The following DPP6 variants were observed in gnomAD, a reference collection of about 807,000 sequenced individuals.
DPP6 encodes the protein A-type potassium channel modulatory protein DPP6.
DPP6 carries 69 observed loss-of-function variants against 122.6 expected under a neutral mutation model. The ratio of observed to expected loss-of-function variants is 0.56; its 90% CI spans 0.46 to 0.69. The LOEUF (loss-of-function observed/expected upper bound fraction) is 0.69. DPP6 is among the 30% of genes least tolerant of loss of function. The pLI is 0.00. For synonymous variants in DPP6, 418 were observed against 433.1 expected, an observed-to-expected ratio of 0.97 and a Z score of 0.43; for missense variants, 928 against 1,116.9, an observed-to-expected ratio of 0.83 and a Z score of 2.41.
the DPP6 span, among the ~76,000 whole-genome samples, chr7:153,816,578 A>G: frequency 0.29 from 44,102 of 152,048 alleles, 6,782 homozygotes; most frequent in South Asian, 0.36. Context: ...AATGATTGAA[A>G]TAAGAGTAAA....
intron 5 of DPP6, among the ~76,000 whole-genome samples, chr7:154,567,940 C>A (rs1214981657): frequency 2.6e-5 from 4 of 152,224 alleles, no homozygotes; most frequent in African/African-American, 9.6e-5. Flanking sequence ...CTGGAGATTT[C>A]AACTTTATTC....
At chr7:154,216,605 T>A (rs1800011330) in intron 1 of DPP6, among the ~76,000 whole-genome samples, 1 of 152,134 alleles carries the variant, frequency 6.6e-6, no homozygotes, top group Non-Finnish European at 1.5e-5. Flanking sequence ...TGTATGATGA[T>A]CCTCTCTTCT....
chr7:153,867,558 A>G, the DPP6 span, among the ~76,000 whole-genome samples: 4 of 152,184 alleles, frequency 2.6e-5, no homozygotes, highest in Non-Finnish European at 4.4e-5. Context: ...GGGCTGAGAC[A>G]ATGGGGTTTT....
At chr7:154,568,024 G>C (rs960850915) in intron 5 of DPP6, among the ~76,000 whole-genome samples, 1 of 152,072 alleles carries the variant, frequency 6.6e-6, no homozygotes, top group Non-Finnish European at 1.5e-5. Context: ...TTCTATAAAG[G>C]TTTTCATTTT....
intron 5 of DPP6, among the ~76,000 whole-genome samples, chr7:154,570,710 G>T (rs893658423): frequency 6.6e-6 from 1 of 152,156 alleles, no homozygotes; most frequent in African/African-American, 2.4e-5. Flanking sequence ...ATTACTAAAT[G>T]TATAGCTTGG....
At chr7:154,499,049 G>A (rs1824993387) in intron 3 of DPP6, among the ~76,000 whole-genome samples, 1 of 152,148 alleles carries the variant, frequency 6.6e-6, no homozygotes, top group African/African-American at 2.4e-5. Flanking sequence ...TCTGTCTCGT[G>A]GCCCTGAGCT....
chr7:153,812,436 C>G, the DPP6 span, among the ~76,000 whole-genome samples: 5,607 of 151,648 alleles, frequency 0.037, 347 homozygotes, highest in African/African-American at 0.13. Context: ...TCTGGGTATT[C>G]TGTCTGGTAT....
chr7:154,675,187 G>A (rs986321023), intron 7 of DPP6, among the ~76,000 whole-genome samples: 8 of 151,980 alleles, frequency 5.3e-5, no homozygotes, highest in East Asian at 1.9e-4. Context: ...GGCAGGGAAC[G>A]TCCACACCGG....
chr7:154,216,739 G>A (rs1392378411), intron 1 of DPP6, among the ~76,000 whole-genome samples: 1 of 151,910 alleles, frequency 6.6e-6, no homozygotes, highest in African/African-American at 2.4e-5. Context: ...GTGGGAACCT[G>A]TCCTATATGT....
At chr7:154,674,604 A>G (rs997422190) in intron 7 of DPP6, among the ~76,000 whole-genome samples, 1 of 152,234 alleles carries the variant, frequency 6.6e-6, no homozygotes, top group African/African-American at 2.4e-5. Context: ...GACAAAGTGA[A>G]TGGGTCTCTC....
chr7:153,880,550 G>T, the DPP6 span, among the ~76,000 whole-genome samples: 1 of 152,184 alleles, frequency 6.6e-6, no homozygotes, highest in South Asian at 2.1e-4. Flanking sequence ...GGAAACTGAA[G>T]AGTTAAAATA....
intron 1 of DPP6, among the ~76,000 whole-genome samples, chr7:153,965,300 C>A (rs1795639536): frequency 6.6e-6 from 1 of 152,042 alleles, no homozygotes; most frequent in Admixed American, 6.6e-5. Flanking sequence ...TCTGCATCTG[C>A]CTGTCAGCTG....
chr7:153,755,175 A>C, the DPP6 span, among the ~76,000 whole-genome samples: 1 of 151,106 alleles, frequency 6.6e-6, no homozygotes, highest in African/African-American at 2.4e-5. Context: ...ATGAACACTT[A>C]AGTTGGATGG....
intron 1 of DPP6, among the ~76,000 whole-genome samples, chr7:154,195,843 C>T (rs934176785): frequency 6.6e-5 from 10 of 152,174 alleles, no homozygotes; most frequent in African/African-American, 1.7e-4. Context: ...TGTCCTTGCA[C>T]TCCCTGCCAT....
chr7:154,700,175 G>A (rs950763124), intron 7 of DPP6, among the ~76,000 whole-genome samples: 2 of 152,122 alleles, frequency 1.3e-5, no homozygotes, highest in African/African-American at 2.4e-5. Context: ...GCACCATTAC[G>A]AGCCCTCAAC....
At chr7:154,844,489 C>T (rs537741128) in intron 16 of DPP6, among the ~76,000 whole-genome samples, 11 of 152,354 alleles carry the variant, frequency 7.2e-5, no homozygotes, top group African/African-American at 2.4e-4. Context: ...TAGGATTCTG[C>T]TTCTGTTTCC....
chr7:154,344,222 CT>C (rs1810194643), intron 1 of DPP6, among the ~76,000 whole-genome samples: 1 of 152,216 alleles, frequency 6.6e-6, no homozygotes, highest in Admixed American at 6.5e-5. Flanking sequence ...ACCCTCACGT[CT>C]GTGTTCTAAC....
chr7:154,324,875 T>TTTTG (rs1808302256), intron 1 of DPP6, among the ~76,000 whole-genome samples: 1 of 146,256 alleles, frequency 6.8e-6, no homozygotes, highest in Non-Finnish European at 1.5e-5. Flanking sequence ...TTATTTTTTT[T>TTTTG]TTTTTTTTGA....
At chr7:154,484,054 G>C (rs956241476) in intron 3 of DPP6, among the ~76,000 whole-genome samples, 1 of 152,130 alleles carries the variant, frequency 6.6e-6, no homozygotes, top group African/African-American at 2.4e-5. Context: ...CACTTACAAG[G>C]CCAACTGGCT....
Sources: allele counts gnomAD v4.1 joint callset (sites outside exome capture counted in the v4.1 genomes callset), GRCh38; gene constraint gnomAD v4.1.1; transcripts MANE v1.5; gene names NCBI Gene and HGNC (gene_info 2026-07-23, HGNC 2026-07-21).